Variants in CACNA2D3 observed in about 807,000 individuals in gnomAD.
The protein encoded by CACNA2D3 is calcium voltage-gated channel auxiliary subunit alpha2delta 3.
CACNA2D3 carries 60 observed loss-of-function variants against 160.6 expected under a neutral mutation model. The ratio of observed to expected loss-of-function variants is 0.37; its 90% CI spans 0.30 to 0.46. The LOEUF (loss-of-function observed/expected upper bound fraction) is 0.46, where lower values mean the gene tolerates loss of function less well. CACNA2D3 is among the 20% of genes least tolerant of loss of function. The pLI is 1.00. For synonymous variants in CACNA2D3, 558 were observed against 492.9 expected, an observed-to-expected ratio of 1.13 and a Z score of -1.75; for missense variants, 1,205 against 1,365.0, an observed-to-expected ratio of 0.88 and a Z score of 1.85.
intron 2 of CACNA2D3, among the ~76,000 whole-genome samples, chr3:54,304,243 GC>G (rs2107493045): frequency 6.6e-6 from 1 of 152,218 alleles, no homozygotes; most frequent in African/African-American, 2.4e-5. Flanking sequence ...GAGGCCTGTT[GC>G]TTCAAATGAG....
rs979482394 is a variant in CACNA2D3 at position 54,567,045 on chromosome 3, T to C, written c.677-2750T>C. Reference sequence around the variant, plus strand: ...CTTGGCTAGCTCAACAGGACTGCCCTAATAAAGATGATCATGGAACACCAT... The same window carrying C: ...CTTGGCTAGCTCAACAGGACTGCCCCAATAAAGATGATCATGGAACACCAT... On this transcript the variant is annotated intron_variant, in intron 6 of 37. Coordinates refer to ENST00000474759, the MANE Select transcript of CACNA2D3 (RefSeq NM_018398.3). Among the ~76,000 whole-genome samples, 11 of 152,218 alleles carry C rather than the reference T, an allele frequency of 7.2e-5. No individual in the cohort carries two copies. The East Asian group carries it at 1.9e-3, about 27-fold the overall frequency.
intron 13 of CACNA2D3, among the ~76,000 whole-genome samples, chr3:54,802,633 C>G (rs577115701): frequency 1.3e-5 from 2 of 152,262 alleles, no homozygotes; most frequent in East Asian, 3.9e-4. Context: ...GGGCAGGGCA[C>G]AGACAAACAA....
intron 4 of CACNA2D3, among the ~76,000 whole-genome samples, chr3:54,422,543 C>T (rs571624348): frequency 3.6e-4 from 55 of 152,132 alleles, no homozygotes; most frequent in African/African-American, 1.1e-3. Context: ...GCAACAGATA[C>T]GAAGAGTGAG....
intron 2 of CACNA2D3, among the ~76,000 whole-genome samples, chr3:54,246,732 C>CA (rs201897328): frequency 2.3e-4 from 35 of 149,652 alleles, no homozygotes; most frequent in South Asian, 4.2e-4. Flanking sequence ...CTCAAAAAAA[C>CA]AAAAAAAAGA....
intron 4 of CACNA2D3, among the ~76,000 whole-genome samples, chr3:54,496,093 T>C (rs1701198216): frequency 6.6e-6 from 1 of 152,230 alleles, no homozygotes; most frequent in East Asian, 1.9e-4. Flanking sequence ...GGGGCTATTA[T>C]GAATGGGGTT....
At chr3:55,018,712 T>A (rs1703381644) in intron 35 of CACNA2D3, among the ~76,000 whole-genome samples, 1 of 152,280 alleles carries the variant, frequency 6.6e-6, no homozygotes, top group East Asian at 1.9e-4. Context: ...GAAATGTTTC[T>A]TGGTGGTTGA....
intron 10 of CACNA2D3, among the ~76,000 whole-genome samples, chr3:54,640,118 G>T (rs1699482835): frequency 6.6e-6 from 1 of 152,150 alleles, no homozygotes; most frequent in Admixed American, 6.6e-5. Flanking sequence ...CTTCTTTTGT[G>T]ATTCTTCAGT....
intron 31 of CACNA2D3, among the ~76,000 whole-genome samples, chr3:54,998,138 T>TG (rs2107127185): frequency 6.6e-6 from 1 of 151,026 alleles, no homozygotes; most frequent in East Asian, 2.0e-4. Flanking sequence ...TTTTTTTTTT[T>TG]TTTTTTTTGA....
chr3:54,972,339 G>T (rs1191882508), intron 29 of CACNA2D3, among the ~76,000 whole-genome samples: 1 of 152,100 alleles, frequency 6.6e-6, no homozygotes, highest in Non-Finnish European at 1.5e-5. Context: ...TTAAATTTTG[G>T]TTCCAGGCAA....
At chr3:54,356,293 C>T (rs1381213083) in intron 3 of CACNA2D3, among the ~76,000 whole-genome samples, 1 of 152,182 alleles carries the variant, frequency 6.6e-6, no homozygotes, top group South Asian at 2.1e-4. Context: ...GTGTGGGCTG[C>T]TGTTGTCCAT....
chr3:54,758,085 AT>A (rs1394380284), intron 12 of CACNA2D3, among the ~76,000 whole-genome samples: 1 of 152,196 alleles, frequency 6.6e-6, no homozygotes, highest in Non-Finnish European at 1.5e-5. Context: ...TGTTCTGGAA[AT>A]GGCACTGCTT....
intron 2 of CACNA2D3, among the ~76,000 whole-genome samples, chr3:54,171,893 T>C (rs140447969): frequency 7.9e-4 from 120 of 152,352 alleles, no homozygotes; most frequent in African/African-American, 2.8e-3. Flanking sequence ...TGTCTGCATC[T>C]CCAACATTCA....
chr3:54,656,455 A>T (rs966125098), intron 11 of CACNA2D3, among the ~76,000 whole-genome samples: 2 of 152,216 alleles, frequency 1.3e-5, no homozygotes, highest in African/African-American at 4.8e-5. Context: ...GTGGCATCCC[A>T]GGAGAGCCAG....
chr3:54,493,704 T>G (rs73091661), intron 4 of CACNA2D3, among the ~76,000 whole-genome samples: 9,668 of 152,338 alleles, frequency 0.063, 435 homozygotes, highest in Middle Eastern at 0.1. Flanking sequence ...TAATAATTTC[T>G]GTCCCTTGAA....
chr3:54,339,576 G>T (rs1423205673), intron 3 of CACNA2D3, among the ~76,000 whole-genome samples: 1 of 152,148 alleles, frequency 6.6e-6, no homozygotes, highest in East Asian at 1.9e-4. Context: ...TGTGTGTTTA[G>T]TTCACCCAGG....
intron 2 of CACNA2D3, among the ~76,000 whole-genome samples, chr3:54,153,113 G>T (rs570080485): frequency 6.6e-6 from 1 of 152,324 alleles, no homozygotes; most frequent in Admixed American, 6.5e-5. Context: ...GAATGTGCAG[G>T]GCACAGGGTA....
chr3:54,941,578 A>G (rs948563051), intron 27 of CACNA2D3, among the ~76,000 whole-genome samples: 1 of 152,196 alleles, frequency 6.6e-6, no homozygotes, highest in African/African-American at 2.4e-5. Context: ...TTCAATATCT[A>G]TCATTGCTCC....
Position 54,569,870 on chromosome 3 carries a change from G to A in CACNA2D3, c.737+15G>A. 6.2e-7 allele frequency: 1 copy of A among 1,610,684 alleles called. No individual in the cohort carries two copies. The highest frequency in any genetic ancestry group is 8.5e-7 in the Non-Finnish European group (1 of 1,178,014). On this transcript the variant is annotated intron_variant, in intron 7 of 37. Coordinates refer to ENST00000474759, the MANE Select transcript of CACNA2D3 (RefSeq NM_018398.3). ...AACCGAAAATGGTAGGCAGTGGTCA[G>A]ACCTCTTTGTTATTTCTCAAAGAGA...
intron 27 of CACNA2D3, among the ~76,000 whole-genome samples, chr3:54,928,595 C>T (rs188874861): frequency 6.6e-6 from 1 of 152,182 alleles, no homozygotes; most frequent in Admixed American, 6.5e-5. Context: ...GTCTTGATGC[C>T]CTGAAATTCA....
Sources: gnomAD v4.1 joint callset for allele counts (sites outside exome capture counted in the v4.1 genomes callset) on GRCh38, gnomAD v4.1.1 for gene constraint, MANE v1.5 for transcripts, NCBI Gene and HGNC (gene_info 2026-07-23, HGNC 2026-07-21) for gene names.